The following HADHA variants were observed in gnomAD, a reference collection of about 807,000 sequenced individuals.
HADHA encodes hydroxyacyl-CoA dehydrogenase trifunctional multienzyme complex subunit alpha, also known as trifunctional enzyme subunit alpha, mitochondrial.
Under a neutral mutation model 91.3 loss-of-function variants are expected in HADHA, and 59 were observed. That is an observed-to-expected ratio of 0.65 (90% confidence interval 0.52 to 0.80). The LOEUF (loss-of-function observed/expected upper bound fraction) is 0.80, where lower values mean the gene tolerates loss of function less well. HADHA is among the 30% of genes least tolerant of loss of function. The probability of loss-of-function intolerance (pLI) is 0.00; values close to 1 mark genes in which losing one functional copy is unlikely to be tolerated. For missense variants in HADHA, 800 were observed against 927.6 expected (o/e 0.86, Z 1.79); for synonymous variants, 320 against 338.9 (o/e 0.94, Z 0.61).
intron 13 of HADHA, chr2:26,199,177 T>G (rs1375387191): frequency 6.6e-6 from 1 of 152,252 alleles, no homozygotes; most frequent in African/African-American, 2.4e-5. Context: ...ATTACAGGTG[T>G]GAGCCACAGT....
At chr2:26,205,503 A>G (rs762389547) in intron 11 of HADHA, among the ~76,000 whole-genome samples, 4 of 152,228 alleles carry the variant, frequency 2.6e-5, no homozygotes, top group Non-Finnish European at 4.4e-5. Context: ...AAAGACTGAT[A>G]CATTTGCTAC....
At chr2:26,224,750 G>C (rs533040016) in intron 7 of HADHA, among the ~76,000 whole-genome samples, 5 of 152,296 alleles carry the variant, frequency 3.3e-5, no homozygotes, top group Non-Finnish European at 7.4e-5. Flanking sequence ...GTGTCAAACA[G>C]ACAAGGGGTG....
chr2:26,214,672 G>T lies in HADHA; in HGVS notation c.800-111C>A, dbSNP rs1462197575. ...GTAATTCTAGCTATCTGCAAGAACT[G>T]CTCTTTATTCTGATACACACAATAT... On this transcript the variant is annotated intron_variant, in intron 8 of 19. Transcript: ENST00000380649. This position sits in a 1 kb window ranked among gnomAD's most constrained non-coding sequence, Gnocchi z 4.1. 3 of 722,340 alleles carry T rather than the reference G, an allele frequency of 4.2e-6. No homozygotes were observed. 44.7% of individuals were successfully genotyped at this position (722,340 alleles called of 1,614,324 possible). A position where few individuals can be genotyped will look rare whatever the true frequency, so the allele number is the denominator to read the frequency against.
rs1418937456 is a variant in HADHA, at chr2:26,229,441, G to A, written c.676+751C>T. Among the ~76,000 whole-genome samples, 1 of 151,636 alleles carries A rather than the reference G, an allele frequency of 6.6e-6. No homozygotes were observed. Among genetic ancestry groups the A allele is most frequent in the African/African-American group, 2.4e-5 (1 of 41,204 alleles). On this transcript the variant is annotated intron_variant, in intron 7 of 19. Transcript: ENST00000380649. This position sits in a 1 kb window ranked among gnomAD's most constrained non-coding sequence, Gnocchi z 4.3. ...TGCTGATTTTCAATAAATATAAGAG[G>A]GTAATGAACACACAAGTCAGAATAG...
At chr2:26,212,500 T>C (rs1558322550) in intron 10 of HADHA, 70 bp downstream of exon 10, 2 of 1,099,240 alleles carry the variant, frequency 1.8e-6, no homozygotes, top group Non-Finnish European at 2.8e-6. Context: ...CTTTTTCAGC[T>C]TTATACAGAG....
At chr2:26,209,920 G>C in intron 10 of HADHA, 31 bp from the exon 11 acceptor site, 1 of 1,080,218 alleles carries the variant, frequency 9.3e-7, no homozygotes, top group Non-Finnish European at 1.4e-6. Context: ...AGAAAAGGTA[G>C]AACTTCACAG....
chr2:26,192,475 T>G (rs748687007), intron 17 of HADHA, 51 bp from the exon 18 acceptor site: 18 of 1,000,728 alleles, frequency 1.8e-5, no homozygotes, highest in African/African-American at 1.3e-4. Flanking sequence ...AGGGAGGGAG[T>G]GTTACTATTT....
intron 18 of HADHA, among the ~76,000 whole-genome samples, chr2:26,191,888 C>T (rs1669517074): frequency 6.6e-6 from 1 of 152,184 alleles, no homozygotes; most frequent in Non-Finnish European, 1.5e-5. Flanking sequence ...TCTTTGACAT[C>T]AGCAACAGTC....
chr2:26,227,382 G>C (rs1413583915), intron 7 of HADHA, among the ~76,000 whole-genome samples: 1 of 151,938 alleles, frequency 6.6e-6, no homozygotes, highest in Non-Finnish European at 1.5e-5. Context: ...CATGGTGGTG[G>C]GCGCCTGTAG....
chr2:26,234,695 G>A (rs1234341669), intron 4 of HADHA, among the ~76,000 whole-genome samples: 3 of 151,670 alleles, frequency 2.0e-5, no homozygotes, highest in Non-Finnish European at 2.9e-5. Context: ...GAAACCGGGA[G>A]GTGGAGCTTG....
rs767374849 is a variant in HADHA at position 26,191,233 on chromosome 2, C to T, written c.*17G>A. 1.1e-5 allele frequency: 18 copies of T among 1,611,334 alleles called. 1 individual carries two copies. Among genetic ancestry groups the T allele is most frequent in the East Asian group, 4.5e-5 (2 of 44,896 alleles). On this transcript the variant is annotated 3_prime_UTR_variant, in exon 20 of 20. Coordinates refer to ENST00000380649, the MANE Select transcript of HADHA (RefSeq NM_000182.5). ...AGCTGGGGTTAGTGCACTGACTGAGCGAGGCATGAGGCCTGCTCACTGGTA... is the reference window on the plus strand; with the variant it reads ...AGCTGGGGTTAGTGCACTGACTGAGTGAGGCATGAGGCCTGCTCACTGGTA...
intron 7 of HADHA, among the ~76,000 whole-genome samples, chr2:26,224,004 C>T (rs558080092): frequency 5.9e-4 from 90 of 152,330 alleles, no homozygotes; most frequent in Non-Finnish European, 1.1e-3. Context: ...GCCTTGGCCT[C>T]CCAAAGTGCT....
intron 11 of HADHA, among the ~76,000 whole-genome samples, chr2:26,205,804 T>A (rs77390200): frequency 0.035 from 5,302 of 149,742 alleles, 325 homozygotes; most frequent in African/African-American, 0.12. Context: ...TCCATTTTTT[T>A]TAAAAAAAAA....
In HADHA at chr2:26,221,994, T is replaced by G. The variant is rs546682242; in HGVS notation, c.677-6819A>C. 6.6e-6 allele frequency among the ~76,000 whole-genome samples: 1 copy of G among 152,288 alleles called. No homozygotes were observed. Among genetic ancestry groups the G allele is most frequent in the South Asian group, 2.1e-4 (1 of 4,830 alleles). On this transcript the variant is annotated intron_variant, in intron 7 of 19. Coordinates refer to ENST00000380649, the MANE Select transcript of HADHA (RefSeq NM_000182.5). This position sits in a 1 kb window ranked among gnomAD's most constrained non-coding sequence, Gnocchi z 4.8. Reference sequence around the variant, plus strand: ...ATGAAAAACTGTTGGCAAGGTGTTATGGGCTGAATTGTGTCCCCCCTACCT... The same window carrying G: ...ATGAAAAACTGTTGGCAAGGTGTTAGGGGCTGAATTGTGTCCCCCCTACCT...
chr2:26,200,149 G>GTTTA (rs199553081), intron 13 of HADHA, among the ~76,000 whole-genome samples: 2 of 150,318 alleles, frequency 1.3e-5, no homozygotes, highest in Non-Finnish European at 2.9e-5. Flanking sequence ...TTGTTTGTTT[G>GTTTA]TTTATTTATT....
rs777156612 is a variant in HADHA, at chr2:26,212,600, C to A, written c.945G>T (p.Gly315=). 9 of 1,602,982 alleles carry A rather than the reference C, an allele frequency of 5.6e-6. No individual in the cohort carries two copies. Among genetic ancestry groups the A allele is most frequent in the African/African-American group, 1.3e-5 (1 of 74,680 alleles). The change falls in exon 10 of 20, where the codon GGG becomes GGT. Residue 315 remains glycine, a synonymous_variant. Transcript: ENST00000380649. The stretch of plus-strand genomic sequence containing the variant: ...ATTCACAGAGATAACCGGCATCACT[C>A]CCTTGCTCAATTCCAGTCTTTACCA... The part of the protein sequence containing the change: ...IDVVKTGIEQ[G]SDAGYLCESQ...
At chr2:26,196,929 C>T (rs936106552) in intron 14 of HADHA, among the ~76,000 whole-genome samples, 6 of 152,230 alleles carry the variant, frequency 3.9e-5, no homozygotes, top group Admixed American at 2.0e-4. Context: ...CAGGTCCCCG[C>T]ATCACTTCTA....
chr2:26,227,281 G>A (rs990027986), intron 7 of HADHA, among the ~76,000 whole-genome samples: 5 of 152,152 alleles, frequency 3.3e-5, no homozygotes, highest in African/African-American at 1.2e-4. Context: ...GGAGGCCAAG[G>A]CAGGGGGATA....
At chr2:26,198,380 G>GTT (rs1340311979) in intron 13 of HADHA, among the ~76,000 whole-genome samples, 1 of 117,418 alleles carries the variant, frequency 8.5e-6, no homozygotes. Flanking sequence ...TTTTTTTTTT[G>GTT]TTTTTTTTTT....
Sources: allele counts gnomAD v4.1 joint callset (sites outside exome capture counted in the v4.1 genomes callset), GRCh38; gene constraint gnomAD v4.1.1; non-coding constraint Gnocchi (gnomAD v3.1); transcripts MANE v1.5; gene names NCBI Gene and HGNC (gene_info 2026-07-23, HGNC 2026-07-21).